Variants in SSBP3 observed in about 807,000 individuals in gnomAD.
SSBP3 encodes the protein single-stranded DNA-binding protein 3.
A neutral mutation model predicts 69.6 loss-of-function variants in SSBP3; 5 were observed. The observed-to-expected ratio is 0.07, with a 90% CI of 0.04 to 0.15. The LOEUF (loss-of-function observed/expected upper bound fraction) is 0.15, where lower values mean the gene tolerates loss of function less well. Among genes scored for constraint, SSBP3 ranks in the 10% least tolerant of loss-of-function variants. The probability of loss-of-function intolerance (pLI) is 1.00; values close to 1 mark genes in which losing one functional copy is unlikely to be tolerated. For synonymous variants in SSBP3, 196 were observed against 193.4 expected, an observed-to-expected ratio of 1.01 and a Z score of -0.11; for missense variants, 312 against 534.0, an observed-to-expected ratio of 0.58 and a Z score of 4.10.
In SSBP3 at chr1:54,241,174, G is replaced by GGT. The variant is rs1644630757; in HGVS notation, c.802-217_802-216dup. 3.3e-5 allele frequency among the ~76,000 whole-genome samples: 5 copies of GGT among 152,270 alleles called. No individual in the cohort carries two copies. The South Asian group carries it at 1.0e-3, about 32-fold the overall frequency. ...TTCTTCAGACCAAGCGGCCCCTGTG[G>GGT]GTGTGTGTGCCTGCATTATGTGCTC... On this transcript the variant is annotated intron_variant, in intron 12 of 17. Coordinates refer to ENST00000610401, the Ensembl canonical transcript of SSBP3.
chr1:54,388,888 G>A (rs1224039846), intron 4 of SSBP3, among the ~76,000 whole-genome samples: 3 of 152,338 alleles, frequency 2.0e-5, no homozygotes, highest in South Asian at 2.1e-4. Flanking sequence ...GGGGAAACAC[G>A]AGGGATGTCC....
rs188791933 is a variant in SSBP3 at position 54,355,325 on chromosome 1, A to C, written c.276+46536T>G. ...GAGGAGGGCACCAACCACAGACATT[A>C]CAGGGAGATCTCCCCCAAATTTATT... On this transcript the variant is annotated intron_variant, in intron 4 of 17. Coordinates refer to ENST00000610401, the Ensembl canonical transcript of SSBP3. Among the ~76,000 whole-genome samples, 478 of 152,274 alleles carry C rather than the reference A, an allele frequency of 3.1e-3. 1 individual carries two copies. Among genetic ancestry groups the C allele is most frequent in the Non-Finnish European group, 4.8e-3 (328 of 68,032 alleles).
chr1:54,299,869 C>T (rs375146372), intron 4 of SSBP3, among the ~76,000 whole-genome samples: 27 of 152,320 alleles, frequency 1.8e-4, no homozygotes, highest in East Asian at 5.8e-4. Context: ...CCAGCTCAGC[C>T]GAGGCCTTCA....
chr1:54,381,828 G>A (rs959717904), intron 4 of SSBP3, among the ~76,000 whole-genome samples: 7 of 152,254 alleles, frequency 4.6e-5, no homozygotes, highest in African/African-American at 1.7e-4. Flanking sequence ...CTGAGGGGAT[G>A]CTGGGAAGCA....
At chr1:54,399,362 C>T (rs997209301) in intron 4 of SSBP3, among the ~76,000 whole-genome samples, 3 of 152,200 alleles carry the variant, frequency 2.0e-5, no homozygotes, top group African/African-American at 7.2e-5. Context: ...ACTACCACTT[C>T]CCAGCTGGGA....
At chr1:54,385,574 T>C (rs1648021918) in intron 4 of SSBP3, among the ~76,000 whole-genome samples, 1 of 152,148 alleles carries the variant, frequency 6.6e-6, no homozygotes, top group South Asian at 2.1e-4. Flanking sequence ...ATTCAGAACA[T>C]ACCCCAGTCC....
chr1:54,255,042 A>T (rs1032932259), intron 7 of SSBP3, among the ~76,000 whole-genome samples: 8 of 151,308 alleles, frequency 5.3e-5, no homozygotes, highest in African/African-American at 1.9e-4. Context: ...CATGTTGGCC[A>T]GGCCAGTCTC....
intron 4 of SSBP3, among the ~76,000 whole-genome samples, chr1:54,341,147 G>GCTT (rs1646599544): frequency 1.3e-5 from 2 of 152,194 alleles, no homozygotes. Flanking sequence ...TTAAACTGAG[G>GCTT]CTCAAGTAGA....
chr1:54,316,693 T>TA (rs1244338047), intron 4 of SSBP3, among the ~76,000 whole-genome samples: 7 of 127,104 alleles, frequency 5.5e-5, no homozygotes, highest in African/African-American at 2.7e-4. Flanking sequence ...AATAAATAAA[T>TA]AAATAAATAA....
At chr1:54,279,420 G>T (rs1354136945) in intron 5 of SSBP3, among the ~76,000 whole-genome samples, 2 of 152,224 alleles carry the variant, frequency 1.3e-5, no homozygotes, top group Non-Finnish European at 2.9e-5. Context: ...GCTGCCCACA[G>T]ATCAGGCAGA....
In SSBP3 at chr1:54,241,455, C is replaced by T. The variant is rs773704000; in HGVS notation, c.801+19G>A. On this transcript the variant is annotated intron_variant, in intron 12 of 17. Transcript: ENST00000610401. The stretch of plus-strand genomic sequence containing the variant: ...TCCCACGTGGCTAGACATGCAATGC[C>T]CCAAACCCACACACTTACCACATAG... 3.1e-6 allele frequency: 5 copies of T among 1,613,954 alleles called. No individual in the cohort carries two copies. The African/African-American group carries it at 6.7e-5, about 22-fold the overall frequency.
upstream of SSBP3, among the ~76,000 whole-genome samples, chr1:54,407,840 T>C (rs1311184929): frequency 6.9e-6 from 1 of 145,960 alleles, no homozygotes; most frequent in Admixed American, 6.9e-5. Context: ...ACCAAACAAT[T>C]AAAGGATAGG....
chr1:54,385,745 A>G (rs567733488), intron 4 of SSBP3, among the ~76,000 whole-genome samples: 2 of 152,212 alleles, frequency 1.3e-5, no homozygotes, highest in African/African-American at 4.8e-5. Context: ...CATTATCTCA[A>G]AGCAGTACTG....
intron 5 of SSBP3, among the ~76,000 whole-genome samples, chr1:54,274,862 GC>G (rs1262273898): frequency 6.6e-6 from 1 of 152,012 alleles, no homozygotes; most frequent in Non-Finnish European, 1.5e-5. Flanking sequence ...TGCAGTCCAG[GC>G]CCCTGCCACC....
intron 4 of SSBP3, among the ~76,000 whole-genome samples, chr1:54,376,839 G>A (rs927006279): frequency 1.3e-5 from 2 of 152,164 alleles, no homozygotes; most frequent in Non-Finnish European, 2.9e-5. Context: ...GCCCATCCCA[G>A]GAGTTTCTGT....
chr1:54,380,859 A>G (rs1166804766), intron 4 of SSBP3, among the ~76,000 whole-genome samples: 1 of 151,826 alleles, frequency 6.6e-6, no homozygotes, highest in African/African-American at 2.4e-5. Flanking sequence ...GATGGCTCAC[A>G]CCTGTAATCC....
chr1:54,228,261 G>A (rs145221324), exon 17 of SSBP3: 14 of 1,613,862 alleles, frequency 8.7e-6, no homozygotes, highest in African/African-American at 5.3e-5. Flanking sequence ...TTACATTGTC[G>A]TTCTGAAAGG....
chr1:54,238,984 G>A, intron 14 of SSBP3, 145 bp downstream of exon 14: 2 of 686,176 alleles, frequency 2.9e-6, no homozygotes, highest in Non-Finnish European at 5.0e-6. Context: ...TTGCCCAAGA[G>A]TTAATCACTT....
At chr1:54,272,553 A>G (rs544583814) in intron 5 of SSBP3, among the ~76,000 whole-genome samples, 1 of 152,016 alleles carries the variant, frequency 6.6e-6, no homozygotes, top group South Asian at 2.1e-4. Flanking sequence ...GGACAGGAGC[A>G]AGAGAGTCCA....
Sources: allele counts gnomAD v4.1 joint callset (sites outside exome capture counted in the v4.1 genomes callset), GRCh38; gene constraint gnomAD v4.1.1; transcripts MANE v1.5; gene names NCBI Gene and HGNC (gene_info 2026-07-23, HGNC 2026-07-21).